Variants in OGG1 observed in about 807,000 individuals in gnomAD.
The protein encoded by OGG1 is 8-oxoguanine DNA glycosylase.
In OGG1, 35 loss-of-function variants were observed where a neutral mutation model predicts 42.3. The ratio of observed to expected loss-of-function variants is 0.83; its 90% CI spans 0.63 to 1.10. The LOEUF (loss-of-function observed/expected upper bound fraction) is 1.10, where lower values mean the gene tolerates loss of function less well. Ranked by LOEUF, OGG1 falls within the 50% of genes least tolerant of loss-of-function variation. The probability of loss-of-function intolerance (pLI) is 0.00; values close to 1 mark genes in which losing one functional copy is unlikely to be tolerated. For synonymous variants in OGG1, 189 were observed against 179.0 expected (o/e 1.06, Z -0.44); for missense variants, 484 against 446.7 (o/e 1.08, Z -0.75).
At chr3:9,778,856 A>T (rs2125610981) in intron 2 of OGG1, among the ~76,000 whole-genome samples, 1 of 152,238 alleles carries the variant, frequency 6.6e-6, no homozygotes, top group East Asian at 1.9e-4. Flanking sequence ...GGGAAGGAAC[A>T]TTTCTCCAAC....
chr3:9,785,333 A>G (rs2078582051), intron 3 of OGG1: 2 of 1,613,922 alleles, frequency 1.2e-6, no homozygotes, highest in East Asian at 4.5e-5. Context: ...GCTTGTTCTG[A>G]TTGCGAGGGG....
At chr3:9,773,716 A>G (rs1021532275) in intron 2 of OGG1, among the ~76,000 whole-genome samples, 2 of 151,258 alleles carry the variant, frequency 1.3e-5, no homozygotes, top group Admixed American at 6.6e-5. Context: ...TTTTTGAGAC[A>G]GGGCCTCACT....
chr3:9,773,820 G>A (rs1258350107), intron 2 of OGG1, among the ~76,000 whole-genome samples: 2 of 152,096 alleles, frequency 1.3e-5, no homozygotes, highest in South Asian at 2.1e-4. Context: ...AGCCTCCGGA[G>A]TAGCTGGGGC....
chr3:9,774,529 A>C, intron 2 of OGG1, among the ~76,000 whole-genome samples: 1 of 152,136 alleles, frequency 6.6e-6, no homozygotes, highest in East Asian at 1.9e-4. Flanking sequence ...CAAACTTCAG[A>C]CTGGGGAAAT....
chr3:9,776,376 CTTTTTTCTTTTCTT>C (rs1190355587), intron 2 of OGG1, among the ~76,000 whole-genome samples: 2 of 145,994 alleles, frequency 1.4e-5, no homozygotes, highest in African/African-American at 5.0e-5. Context: ...CTTCTTTTTT[CTTTTTTCTTTTCTT>C]TTTTTTTTTT....
rs2077627841 is a variant in OGG1, at chr3:9,757,368, A to G, written c.*218A>G. 10 of 1,613,536 alleles carry G rather than the reference A, an allele frequency of 6.2e-6. No homozygotes were observed. Among genetic ancestry groups the G allele is most frequent in the East Asian group, 2.2e-5 (1 of 44,892 alleles). ...AGGATGGTTTTATCTTCCCTTTATT[A>G]CAAGAAGGAACAATAAAATAGAAAC... On this transcript the variant is annotated 3_prime_UTR_variant, in exon 7 of 7. Coordinates refer to ENST00000344629, the MANE Select transcript of OGG1 (RefSeq NM_002542.6). The surrounding 1 kb of genome is among the most constrained non-coding windows in gnomAD (Gnocchi z 4.5).
chr3:9,771,546 T>C (rs2078298967), downstream of OGG1, among the ~76,000 whole-genome samples: 1 of 152,222 alleles, frequency 6.6e-6, no homozygotes, highest in African/African-American at 2.4e-5. Flanking sequence ...CTAGACTCAG[T>C]GTAAACTGAG....
rs199602361 is a variant in OGG1, at chr3:9,757,361, C to G, written c.*211C>G. ...AGCGCTAAGGATGGTTTTATCTTCC[C>G]TTTATTACAAGAAGGAACAATAAAA... On this transcript the variant is annotated 3_prime_UTR_variant, in exon 7 of 7. Coordinates refer to ENST00000344629, the MANE Select transcript of OGG1 (RefSeq NM_002542.6). This position sits in a 1 kb window ranked among gnomAD's most constrained non-coding sequence, Gnocchi z 4.5. The G allele has an allele frequency of 4.0e-5, 64 of 1,613,884 alleles. No homozygotes were observed. Among genetic ancestry groups the G allele is most frequent in the Admixed American group, 6.7e-5 (4 of 59,976 alleles).
chr3:9,786,468 G>A (rs917512225), intron 3 of OGG1, among the ~76,000 whole-genome samples: 5 of 152,042 alleles, frequency 3.3e-5, no homozygotes, highest in African/African-American at 4.8e-5. Context: ...AAGAGTGTGA[G>A]GGTGTGTCTA....
intron 2 of OGG1, among the ~76,000 whole-genome samples, chr3:9,777,625 A>G (rs985764977): frequency 1.3e-5 from 2 of 152,206 alleles, no homozygotes; most frequent in East Asian, 3.8e-4. Context: ...TAGAGTGCTC[A>G]TGACTGATCC....
chr3:9,752,777 G>A (rs1005249301), intron 3 of OGG1, among the ~76,000 whole-genome samples: 4 of 152,222 alleles, frequency 2.6e-5, no homozygotes, highest in African/African-American at 4.8e-5. Context: ...CTGGCCGGGC[G>A]TGGTGGCTCA....
chr3:9,789,166 G>T (rs537310894), downstream of OGG1, among the ~76,000 whole-genome samples: 1 of 152,294 alleles, frequency 6.6e-6, no homozygotes, highest in African/African-American at 2.4e-5. Flanking sequence ...AAGAAGAAAG[G>T]TTCCTCCAGA....
rs753198847 is a variant in OGG1 at position 9,780,529 on chromosome 3, C to G, written c.295-984C>G. 4.4e-6 allele frequency: 7 copies of G among 1,604,276 alleles called. No individual in the cohort carries two copies. In the South Asian group the frequency reaches 6.6e-5, roughly 15 times the overall value. ...CACCCGCTGCCTCAGCTCCTGCCGG[C>G]TCACCTCCTCCTTTGCCAGCCTGTG... On this transcript the variant is annotated intron_variant, in intron 2 of 3. Transcript: ENST00000426518.
At chr3:9,751,649 C>T (rs2125532831) in intron 2 of OGG1, 121 bp from the exon 3 acceptor site, 1 of 911,270 alleles carries the variant, frequency 1.1e-6, no homozygotes, top group Non-Finnish European at 1.8e-6. Flanking sequence ...TCTAACGGTG[C>T]TGACTCTCAT....
intron 2 of OGG1, among the ~76,000 whole-genome samples, chr3:9,776,472 C>T (rs1019697974): frequency 6.7e-6 from 1 of 149,472 alleles, no homozygotes; most frequent in African/African-American, 2.5e-5. Flanking sequence ...TCACTGCAAG[C>T]TCCGCCTCCC....
At chr3:9,759,585 G>T (rs774836718), downstream of OGG1, 2 of 1,614,174 alleles carry the variant, frequency 1.2e-6, no homozygotes, top group East Asian at 4.5e-5. Context: ...CCTAGGATGG[G>T]GTTATGTGGT....
At chr3:9,754,940 G>A in intron 4 of OGG1, 55 bp downstream of exon 4, 6 of 1,479,798 alleles carry the variant, frequency 4.1e-6, no homozygotes, top group Non-Finnish European at 5.5e-6. Flanking sequence ...GAGGAGAGCA[G>A]GAAATGAGCC....
intron 3 of OGG1, among the ~76,000 whole-genome samples, chr3:9,786,089 C>A (rs1195676431): frequency 6.6e-6 from 1 of 152,164 alleles, no homozygotes; most frequent in African/African-American, 2.4e-5. Context: ...CAGGCGCCTG[C>A]CACTATGCCC....
downstream of OGG1, chr3:9,767,756 C>T: frequency 6.2e-7 from 1 of 1,613,910 alleles, no homozygotes. Context: ...GCATGGCCCA[C>T]TGCCCCCCGA....
Sources: allele counts gnomAD v4.1 joint callset (sites outside exome capture counted in the v4.1 genomes callset), GRCh38; gene constraint gnomAD v4.1.1; non-coding constraint Gnocchi (gnomAD v3.1); transcripts MANE v1.5; gene names NCBI Gene and HGNC (gene_info 2026-07-23, HGNC 2026-07-21).